The following HDX variants were observed in gnomAD, a reference collection of about 807,000 sequenced individuals.
HDX encodes highly divergent homeobox, also known as chromosome X open reading frame 43.
Under a neutral mutation model 45.2 loss-of-function variants are expected in HDX, and 19 were observed. That is an observed-to-expected ratio of 0.42 (90% CI 0.29 to 0.62). The LOEUF (loss-of-function observed/expected upper bound fraction) is 0.62, where lower values mean the gene tolerates loss of function less well. Among genes scored for constraint, HDX ranks in the 20% least tolerant of loss-of-function variants. The probability of loss-of-function intolerance (pLI) is 0.20; values close to 1 mark genes in which losing one functional copy is unlikely to be tolerated. For synonymous variants in HDX, 188 were observed against 172.8 expected, an observed-to-expected ratio of 1.09 and a Z score of -0.69; for missense variants, 532 against 493.9, an observed-to-expected ratio of 1.08 and a Z score of -0.73.
chrX:84,434,214 C>A (rs1034277205), intron 5 of HDX, among the ~76,000 whole-genome samples: 7 of 110,322 alleles, frequency 6.3e-5, no homozygotes, highest in African/African-American at 2.3e-4. Context: ...ACTTTTAGTA[C>A]TATGCTGAAT....
Position 84,321,956 on chromosome X carries a change from A to G in HDX, c.2006T>C (p.Leu669Pro), listed in dbSNP as rs774364375. ...LEEMDFNHAS[L>P]EPDDTSFSVS... Reference sequence around the variant, plus strand: ...ACTGAATGAGGTATCATCAGGCTCCAGTGAGGCATGATTGAAATCCATTTC... The same window carrying G: ...ACTGAATGAGGTATCATCAGGCTCCGGTGAGGCATGATTGAAATCCATTTC... The change falls in exon 11 of 11, where the codon CTG (leucine) becomes CCG (proline). Residue 669 changes from leucine (L) to proline (P), a missense_variant. Coordinates refer to ENST00000373177, the MANE Select transcript of HDX (RefSeq NM_001177479.2). 1 of 1,175,823 alleles carries G rather than the reference A, an allele frequency of 8.5e-7. No homozygotes were observed. Among genetic ancestry groups the G allele is most frequent in the Non-Finnish European group, 1.2e-6 (1 of 865,475 alleles).
chrX:84,380,225 A>G (rs1341920218), intron 5 of HDX, among the ~76,000 whole-genome samples: 1 of 103,047 alleles, frequency 9.7e-6, no homozygotes, highest in Admixed American at 1.1e-4. Flanking sequence ...AGCTGTAATA[A>G]GAAAGCCTCC....
chrX:84,348,501 T>C (rs767327998), intron 6 of HDX, among the ~76,000 whole-genome samples: 1 of 111,970 alleles, frequency 8.9e-6, no homozygotes, highest in Non-Finnish European at 1.9e-5. Flanking sequence ...TCAAATTCTT[T>C]CTTTGTTTTG....
At chrX:84,367,435 C>T in intron 5 of HDX, among the ~76,000 whole-genome samples, 1 of 112,031 alleles carries the variant, frequency 8.9e-6, no homozygotes, top group South Asian at 3.8e-4. Flanking sequence ...TTGTGGAAGA[C>T]AGTGTGGCAA....
At position 84,475,368 on chromosome X, in the gene HDX, T is replaced by C; in HGVS notation, c.30A>G (p.Glu10=). ...AATAACGCTGTAAAATCCTTTGTTG[T>C]TCTACAGTAAATACAGAACGTAGAT... MNLRSVFTV[E]QQRILQRYYE... is the part of the protein sequence containing the mutation. The change falls in exon 3 of 11, where the codon GAA becomes GAG. Residue 10 remains glutamate, a synonymous_variant. Coordinates refer to ENST00000373177, the MANE Select transcript of HDX (RefSeq NM_001177479.2). 1 of 1,147,378 alleles carries C rather than the reference T, an allele frequency of 8.7e-7. No homozygotes were observed. Among genetic ancestry groups the C allele is most frequent in the Non-Finnish European group, 1.2e-6 (1 of 846,620 alleles). 94.6% of individuals were successfully genotyped at this position (1,147,378 alleles called of 1,213,427 possible).
intron 5 of HDX, among the ~76,000 whole-genome samples, chrX:84,390,011 C>T (rs1056063868): frequency 1.9e-4 from 21 of 110,743 alleles, no homozygotes; most frequent in African/African-American, 5.9e-4. Flanking sequence ...ATGTATCTTG[C>T]GCAGGGTTTC....
At chrX:84,485,773 A>G (rs975953861) in intron 2 of HDX, among the ~76,000 whole-genome samples, 1 of 111,336 alleles carries the variant, frequency 9.0e-6, no homozygotes, top group Non-Finnish European at 1.9e-5. Context: ...CTTTTTGGTA[A>G]ATTGACCCTT....
chrX:84,332,989 T>G (rs2036877011), intron 9 of HDX, among the ~76,000 whole-genome samples: 1 of 111,676 alleles, frequency 9.0e-6, no homozygotes, highest in Non-Finnish European at 1.9e-5. Flanking sequence ...TGATTAAATG[T>G]TATTTTCTGT....
rs35051495 is a variant in HDX, at chrX:84,405,664, ATG to A, written c.1305+34866_1305+34867del. 1.1e-3 allele frequency among the ~76,000 whole-genome samples: 93 copies of A among 87,255 alleles called. 1 individual carries two copies. Among genetic ancestry groups the A allele is most frequent in the Non-Finnish European group, 1.3e-3 (57 of 44,974 alleles). The allele number at this position is 87,255 out of a possible 115,157, so 75.8% of individuals were successfully genotyped here. A position where few individuals can be genotyped will look rare whatever the true frequency, so the allele number is the denominator to read the frequency against. On this transcript the variant is annotated intron_variant, in intron 5 of 10. Transcript: ENST00000373177. ...TCACAAGCTATATATATATATATAT[ATG>A]TGTGTGTGTGTGTGTGTGTGTAAAG...
intron 1 of HDX, among the ~76,000 whole-genome samples, chrX:84,488,583 A>G (rs191478481): frequency 1.6e-4 from 18 of 111,348 alleles, no homozygotes; most frequent in African/African-American, 5.9e-4. Context: ...ATAATTTGGT[A>G]TGAAGACATA....
intron 1 of HDX, among the ~76,000 whole-genome samples, chrX:84,495,662 A>T (rs1353580244): frequency 8.9e-6 from 1 of 111,933 alleles, no homozygotes. Flanking sequence ...TTCAAATGAA[A>T]AAAATAAAAC....
chrX:84,401,116 T>C (rs755365319), intron 5 of HDX, among the ~76,000 whole-genome samples: 2 of 111,888 alleles, frequency 1.8e-5, no homozygotes, highest in South Asian at 7.4e-4. Flanking sequence ...GAAAACCTAG[T>C]CAATGCCATT....
At chrX:84,459,302 C>T (rs774302296) in intron 4 of HDX, among the ~76,000 whole-genome samples, 1 of 109,780 alleles carries the variant, frequency 9.1e-6, no homozygotes, top group Non-Finnish European at 1.9e-5. Context: ...ATTAGCCGGG[C>T]GTGGTGGCGG....
At chrX:84,368,794 A>C (rs956759057) in intron 5 of HDX, among the ~76,000 whole-genome samples, 4 of 111,060 alleles carry the variant, frequency 3.6e-5, no homozygotes, top group Non-Finnish European at 5.7e-5. Flanking sequence ...TTTTCCACGG[A>C]TGAGGGTGGG....
chrX:84,331,314 A>G (rs190038597), intron 9 of HDX, among the ~76,000 whole-genome samples: 2 of 112,076 alleles, frequency 1.8e-5, no homozygotes, highest in African/African-American at 6.5e-5. Flanking sequence ...GCACCATTGG[A>G]AACATTCTTT....
intron 5 of HDX, among the ~76,000 whole-genome samples, chrX:84,406,333 C>A (rs7062433): frequency 9.1e-6 from 1 of 109,733 alleles, no homozygotes; most frequent in African/African-American, 3.3e-5. Flanking sequence ...TAATGTGACA[C>A]GCTATTAAGA....
At chrX:84,456,413 C>A (rs957764442) in intron 4 of HDX, among the ~76,000 whole-genome samples, 1 of 110,639 alleles carries the variant, frequency 9.0e-6, no homozygotes, top group African/African-American at 3.3e-5. Flanking sequence ...GAAATGAAAA[C>A]ATAGCACCAG....
At chrX:84,366,317 C>T (rs1021268471) in intron 5 of HDX, among the ~76,000 whole-genome samples, 2 of 111,575 alleles carry the variant, frequency 1.8e-5, no homozygotes, top group African/African-American at 6.5e-5. Context: ...CAAACCACTG[C>T]TCAAGGAAAC....
At chrX:84,498,128 A>T (rs755655942) in intron 1 of HDX, among the ~76,000 whole-genome samples, 41 of 111,569 alleles carry the variant, frequency 3.7e-4, no homozygotes, top group Non-Finnish European at 7.0e-4. Flanking sequence ...AAATAATAGG[A>T]CACCTTTTGT....
Sources: allele counts gnomAD v4.1 joint callset (sites outside exome capture counted in the v4.1 genomes callset), GRCh38; gene constraint gnomAD v4.1.1; transcripts MANE v1.5; gene names NCBI Gene and HGNC (gene_info 2026-07-23, HGNC 2026-07-21).